The following MCTP2 variants were observed in gnomAD, a reference collection of about 807,000 sequenced individuals.
The protein encoded by MCTP2 is multiple C2 and transmembrane domain-containing protein 2.
Under a neutral mutation model 111.6 loss-of-function variants are expected in MCTP2, and 132 were observed. The observed-to-expected ratio is 1.18, with a 90% CI of 1.03 to 1.37. The LOEUF is 1.37. Ranked by LOEUF, MCTP2 falls within the 40% of genes most tolerant of loss-of-function variation. The pLI is 0.00. For synonymous variants in MCTP2, 395 were observed against 387.7 expected (o/e 1.02, Z -0.22); for missense variants, 1,183 against 1,067.9 (o/e 1.11, Z -1.50).
intron 16 of MCTP2, among the ~76,000 whole-genome samples, chr15:94,400,447 T>G (rs964759591): frequency 2.0e-5 from 3 of 152,132 alleles, no homozygotes; most frequent in African/African-American, 7.2e-5. Flanking sequence ...CGCTCATGAC[T>G]GCTCCTACCA....
chr15:94,271,528 A>G (rs1485417524), intron 1 of MCTP2, among the ~76,000 whole-genome samples: 2 of 152,168 alleles, frequency 1.3e-5, no homozygotes, highest in Non-Finnish European at 2.9e-5. Flanking sequence ...TGGATAGACA[A>G]TAGGTGTTTG....
chr15:94,284,948 T>G (rs909199578), intron 1 of MCTP2, among the ~76,000 whole-genome samples: 1 of 152,210 alleles, frequency 6.6e-6, no homozygotes, highest in Non-Finnish European at 1.5e-5. Flanking sequence ...CCACTTTGTA[T>G]TTTTGTTGAA....
Position 94,245,264 on chromosome 15 carries a change from A to T in MCTP2, c.-66+13600A>T, listed in dbSNP as rs144168760. Among the ~76,000 whole-genome samples, 612 of 142,216 alleles carry T rather than the reference A, an allele frequency of 4.3e-3. 3 individuals carry two copies. Among genetic ancestry groups the T allele is most frequent in the Non-Finnish European group, 6.9e-3 (450 of 65,098 alleles). The allele number at this position is 142,216 out of a possible 152,430, so 93.3% of individuals were successfully genotyped here. On this transcript the variant is annotated intron_variant, in intron 1 of 22. Coordinates refer to ENST00000357742, the MANE Select transcript of MCTP2 (RefSeq NM_001385001.1). ...TATATACACATATGTATATATACATATGTGTATATACGTATATACACATAT... is the reference window on the plus strand; with the variant it reads ...TATATACACATATGTATATATACATTTGTGTATATACGTATATACACATAT...
intron 20 of MCTP2, among the ~76,000 whole-genome samples, chr15:94,465,300 T>C (rs2073172761): frequency 6.6e-6 from 1 of 152,128 alleles, no homozygotes; most frequent in East Asian, 1.9e-4. Context: ...AGATCCCCAG[T>C]GGATGTCTGA....
chr15:94,435,149 G>A (rs2083401866), intron 17 of MCTP2, among the ~76,000 whole-genome samples: 1 of 152,100 alleles, frequency 6.6e-6, no homozygotes, highest in Admixed American at 6.6e-5. Flanking sequence ...ACAGGCATGA[G>A]CCACCGTACC....
chr15:94,473,006 A>C (rs543136215), intron 21 of MCTP2, among the ~76,000 whole-genome samples: 29 of 152,086 alleles, frequency 1.9e-4, no homozygotes, highest in Non-Finnish European at 3.1e-4. Flanking sequence ...TTACTTATTC[A>C]TTTTTTATTG....
chr15:94,360,800 A>G (rs538939179), intron 10 of MCTP2, among the ~76,000 whole-genome samples: 29 of 150,852 alleles, frequency 1.9e-4, no homozygotes, highest in Non-Finnish European at 4.0e-4. Flanking sequence ...TAACCGAGAC[A>G]TATACCTGTC....
intron 1 of MCTP2, among the ~76,000 whole-genome samples, chr15:94,274,355 GT>G (rs2074071637): frequency 6.6e-6 from 1 of 152,068 alleles, no homozygotes; most frequent in Non-Finnish European, 1.5e-5. Context: ...AATGTCAATA[GT>G]TTAGAAAAAG....
chr15:94,426,539 C>T (rs531362306), intron 17 of MCTP2, among the ~76,000 whole-genome samples: 21 of 152,060 alleles, frequency 1.4e-4, no homozygotes, highest in African/African-American at 4.8e-4. Flanking sequence ...TTATGAAGTT[C>T]TAGGTGTTTA....
intron 1 of MCTP2, among the ~76,000 whole-genome samples, chr15:94,265,714 A>G (rs1439316909): frequency 1.3e-5 from 2 of 152,222 alleles, no homozygotes; most frequent in Non-Finnish European, 2.9e-5. Context: ...TGTATATTAT[A>G]TAAATTATCT....
chr15:94,456,526 G>A (rs969126109), intron 19 of MCTP2, among the ~76,000 whole-genome samples: 1 of 152,060 alleles, frequency 6.6e-6, no homozygotes, highest in Non-Finnish European at 1.5e-5. Context: ...GACAGAGCTG[G>A]GTTTTCACCA....
At chr15:94,436,871 CA>C (rs200828805) in intron 17 of MCTP2, among the ~76,000 whole-genome samples, 2 of 148,358 alleles carry the variant, frequency 1.3e-5, no homozygotes, top group South Asian at 4.3e-4. Flanking sequence ...TTAATCCCCC[CA>C]AAAAACGTAA....
chr15:94,232,529 G>A (rs1402106620), intron 1 of MCTP2, among the ~76,000 whole-genome samples: 2 of 152,168 alleles, frequency 1.3e-5, no homozygotes, highest in African/African-American at 2.4e-5. Context: ...ATTTACATTA[G>A]CATTCATTTT....
At chr15:94,444,347 AT>A (rs1394556620) in intron 19 of MCTP2, among the ~76,000 whole-genome samples, 1 of 152,220 alleles carries the variant, frequency 6.6e-6, no homozygotes, top group Non-Finnish European at 1.5e-5. Context: ...TTTTGTTTCT[AT>A]GAAGGTTTCA....
chr15:94,237,266 GA>G (rs1392463708), intron 1 of MCTP2, among the ~76,000 whole-genome samples: 1 of 152,126 alleles, frequency 6.6e-6, no homozygotes, highest in Non-Finnish European at 1.5e-5. Context: ...TGTAACAACT[GA>G]ATAATTCAAT....
At chr15:94,392,385 G>T (rs1449698679) in intron 14 of MCTP2, among the ~76,000 whole-genome samples, 2 of 149,010 alleles carry the variant, frequency 1.3e-5, no homozygotes, top group Admixed American at 1.3e-4. Flanking sequence ...AAAAAAAATA[G>T]TAATAGTAAG....
At chr15:94,367,243 C>G (rs754519028) in intron 10 of MCTP2, among the ~76,000 whole-genome samples, 14 of 152,124 alleles carry the variant, frequency 9.2e-5, no homozygotes, top group Non-Finnish European at 1.6e-4. Context: ...AAGGCACAGC[C>G]CACGGAAGCC....
Position 94,479,639 on chromosome 15 carries a change from T to G in MCTP2, c.*605T>G, listed in dbSNP as rs2074626863. 1 of 152,372 alleles carries G rather than the reference T, an allele frequency of 6.6e-6. No individual in the cohort carries two copies. The highest frequency in any genetic ancestry group is 1.5e-5 in the Non-Finnish European group (1 of 68,180). 9.4% of individuals were successfully genotyped at this position (152,372 alleles called of 1,614,324 possible). On this transcript the variant is annotated 3_prime_UTR_variant, in exon 23 of 23. Coordinates refer to ENST00000357742, the MANE Select transcript of MCTP2 (RefSeq NM_001385001.1). The stretch of plus-strand genomic sequence containing the variant: ...TGTATGTGAATTTTTGGGAAACCTC[T>G]CGGTGCTGGATGCCAGCCTACAGCA...
At chr15:94,443,047 CT>C (rs529237554) in intron 19 of MCTP2, 87 bp downstream of exon 19, 112,818 of 565,972 alleles carry the variant, frequency 0.2, 32 homozygotes, top group Non-Finnish European at 0.22. Flanking sequence ...TCTCTCCTCT[CT>C]TTTTTTTTTT....
Sources: allele counts gnomAD v4.1 joint callset (sites outside exome capture counted in the v4.1 genomes callset), GRCh38; gene constraint gnomAD v4.1.1; transcripts MANE v1.5; gene names NCBI Gene and HGNC (gene_info 2026-07-23, HGNC 2026-07-21).